DOCK8: variants seen among roughly 807,000 people sequenced by gnomAD.
DOCK8 encodes the protein dedicator of cytokinesis protein 8.
A neutral mutation model predicts 245.6 loss-of-function variants in DOCK8; 141 were observed. The observed-to-expected ratio is 0.57, with a 90% CI of 0.50 to 0.66. DOCK8 has a LOEUF of 0.66. DOCK8 is among the 30% of genes least tolerant of loss of function. The probability of loss-of-function intolerance (pLI) is 0.00; values close to 1 mark genes in which losing one functional copy is unlikely to be tolerated. For missense variants in DOCK8, 2,965 were observed against 2,603.4 expected (o/e 1.14, Z -3.02); for synonymous variants, 1,168 against 970.2 (o/e 1.20, Z -3.79).
Position 400,264 on chromosome 9 carries a change from T to A in DOCK8, c.3234+1005T>A, listed in dbSNP as rs953038675. The stretch of plus-strand genomic sequence containing the variant: ...CACCACCTCCACCATCACCACCACC[T>A]CCACCATCACCACCACTTCCTTCAC... On this transcript the variant is annotated intron_variant, in intron 26 of 47. Coordinates refer to ENST00000432829, the MANE Select transcript of DOCK8 (RefSeq NM_203447.4). Among the ~76,000 whole-genome samples the A allele has an allele frequency of 2.6e-3, 90 of 35,076 alleles. 1 individual carries two copies. The highest frequency in any genetic ancestry group is 3.2e-3 in the Non-Finnish European group (64 of 19,740). 23.0% of individuals were successfully genotyped at this position (35,076 alleles called of 152,430 possible).
intron 20 of DOCK8, among the ~76,000 whole-genome samples, chr9:378,933 G>A (rs184018377): frequency 6.3e-4 from 96 of 152,300 alleles, no homozygotes; most frequent in Non-Finnish European, 9.7e-4. Context: ...ATGTAACTCA[G>A]TTTCACTTGA....
intron 4 of DOCK8, among the ~76,000 whole-genome samples, chr9:294,914 C>G (rs969546035): frequency 7.2e-5 from 11 of 152,190 alleles, no homozygotes; most frequent in Non-Finnish European, 7.3e-5. Context: ...AATCCCAGCA[C>G]TTTGGGAGGC....
rs1007222817 is a variant in DOCK8, at chr9:325,869, T to A, written c.894+132T>A. ...GCAAATGATCTTTGATGAGTCCAGT[T>A]CTGTTGCCTTTGCAATTTTTCAAGC... On this transcript the variant is annotated intron_variant, in intron 8 of 47. Transcript: ENST00000432829. 3 of 848,334 alleles carry A rather than the reference T, an allele frequency of 3.5e-6. No homozygotes were observed. In the African/African-American group the frequency reaches 5.1e-5, roughly 14 times the overall value. The allele number at this position is 848,334 out of a possible 1,614,324, so 52.6% of individuals were successfully genotyped here.
intron 24 of DOCK8, among the ~76,000 whole-genome samples, chr9:393,606 G>A (rs7030215): frequency 0.043 from 6,542 of 152,222 alleles, 477 homozygotes; most frequent in African/African-American, 0.15. Context: ...CTAGGGCTTC[G>A]TTGGCCCAGG....
At chr9:384,015 T>A (rs755191166) in intron 22 of DOCK8, among the ~76,000 whole-genome samples, 2 of 152,226 alleles carry the variant, frequency 1.3e-5, no homozygotes, top group Non-Finnish European at 2.9e-5. Flanking sequence ...TTTTCTCTAA[T>A]GTCCTTTTTC....
Position 390,490 on chromosome 9 carries a change from C to G in DOCK8, c.2894C>G (p.Ala965Gly), listed in dbSNP as rs1365737434. 6.2e-7 allele frequency: 1 copy of G among 1,614,154 alleles called. No homozygotes were observed. The highest frequency in any genetic ancestry group is 8.5e-7 in the Non-Finnish European group (1 of 1,179,996). The change falls in exon 24 of 48, where the codon GCC becomes GGC. Residue 965 changes from alanine (A) to glycine (G), a missense_variant. Physicochemically the swap from Ala to Gly is moderately conservative, Grantham distance 60 (BLOSUM62 0). Coordinates refer to ENST00000432829, the MANE Select transcript of DOCK8 (RefSeq NM_203447.4). Reference sequence around the variant, plus strand: ...ATTTAGCATTTCCATGAGGAGCTTGCCCTTCAGATGGTGGTCAGCACCGGA... The same window carrying G: ...ATTTAGCATTTCCATGAGGAGCTTGGCCTTCAGATGGTGGTCAGCACCGGA... ...ASKKHFHEEL[A>G]LQMVVSTGMV... is the part of the protein sequence containing the mutation.
intron 10 of DOCK8, among the ~76,000 whole-genome samples, chr9:332,691 T>A (rs1247036044): frequency 1.3e-5 from 2 of 149,912 alleles, no homozygotes. Flanking sequence ...AGTGTCTTAC[T>A]TTATCTCCCA....
intron 7 of DOCK8, among the ~76,000 whole-genome samples, chr9:324,631 C>T (rs1758466368): frequency 6.6e-6 from 1 of 152,140 alleles, no homozygotes; most frequent in African/African-American, 2.4e-5. Context: ...CTGCTGTGCT[C>T]AAGCCCCTCC....
chr9:447,220 A>C (rs1459479789), intron 44 of DOCK8, among the ~76,000 whole-genome samples: 1 of 152,238 alleles, frequency 6.6e-6, no homozygotes, highest in African/African-American at 2.4e-5. Context: ...AGGACTGGTC[A>C]AGAAGGTCTC....
intron 1 of DOCK8, among the ~76,000 whole-genome samples, chr9:228,332 G>A (rs922938098): frequency 2.0e-5 from 3 of 152,050 alleles, no homozygotes; most frequent in Non-Finnish European, 4.4e-5. Context: ...ATTTTTCTTT[G>A]CACCAGCATT....
chr9:458,581 G>A (rs929653601), intron 46 of DOCK8, among the ~76,000 whole-genome samples: 24 of 152,300 alleles, frequency 1.6e-4, no homozygotes, highest in Admixed American at 1.5e-3. Flanking sequence ...AGGCTGAGGT[G>A]GGCGGATCAC....
intron 2 of DOCK8, among the ~76,000 whole-genome samples, chr9:284,895 A>C (rs1365666182): frequency 6.6e-6 from 1 of 152,188 alleles, no homozygotes; most frequent in African/African-American, 2.4e-5. Context: ...AAATGATGAG[A>C]ACTTACCAAC....
chr9:301,761 A>T (rs2049554892), intron 4 of DOCK8, among the ~76,000 whole-genome samples: 1 of 152,246 alleles, frequency 6.6e-6, no homozygotes, highest in South Asian at 2.1e-4. Context: ...ATCCTTTTGA[A>T]TAAAATACCT....
intron 14 of DOCK8, among the ~76,000 whole-genome samples, chr9:362,169 A>G (rs1287100010): frequency 6.6e-6 from 1 of 152,170 alleles, no homozygotes; most frequent in Non-Finnish European, 1.5e-5. Context: ...AGATGTGGGT[A>G]TCAGTGACAC....
At chr9:349,242 T>G (rs1030960816) in intron 14 of DOCK8, among the ~76,000 whole-genome samples, 2 of 152,234 alleles carry the variant, frequency 1.3e-5, no homozygotes, top group African/African-American at 4.8e-5. Flanking sequence ...AGATGTCATG[T>G]GTCTTTTATA....
intron 22 of DOCK8, 144 bp downstream of exon 22, chr9:382,829 G>A (rs898403077): frequency 2.7e-6 from 3 of 1,114,058 alleles, no homozygotes; most frequent in Non-Finnish European, 2.6e-6. Flanking sequence ...AGTGATTAAC[G>A]TTCTTTAGAA....
At chr9:216,259 A>G (rs74583590) in intron 1 of DOCK8, among the ~76,000 whole-genome samples, 10,630 of 152,148 alleles carry the variant, frequency 0.07, 657 homozygotes, top group African/African-American at 0.16. Flanking sequence ...GCTGGGTGCC[A>G]TGGCTCACAC....
intron 2 of DOCK8, chr9:284,638 C>G (rs559798039): frequency 6.6e-6 from 1 of 152,108 alleles, no homozygotes; most frequent in African/African-American, 2.4e-5. Flanking sequence ...AAGACACACG[C>G]GTGTGAATGT....
At chr9:292,035 A>T (rs1403085811) in intron 4 of DOCK8, among the ~76,000 whole-genome samples, 1 of 136,078 alleles carries the variant, frequency 7.3e-6, no homozygotes, top group Non-Finnish European at 1.5e-5. Flanking sequence ...GCACCACTGC[A>T]CACCAGCCCA....
Sources: allele counts gnomAD v4.1 joint callset (sites outside exome capture counted in the v4.1 genomes callset), GRCh38; gene constraint gnomAD v4.1.1; transcripts MANE v1.5; gene names NCBI Gene and HGNC (gene_info 2026-07-23, HGNC 2026-07-21).